SCD5: variants seen among roughly 807,000 people sequenced by gnomAD.
The protein encoded by SCD5 is acyl-CoA-desaturase 4.
Under a neutral mutation model 30.4 loss-of-function variants are expected in SCD5, and 20 were observed. The ratio of observed to expected loss-of-function variants is 0.66; its 90% CI spans 0.46 to 0.96. The LOEUF is 0.96. SCD5 is among the 40% of genes least tolerant of loss of function. The probability of loss-of-function intolerance (pLI) is 0.00; values close to 1 mark genes in which losing one functional copy is unlikely to be tolerated. For synonymous variants in SCD5, 173 were observed against 176.4 expected (o/e 0.98, Z 0.16); for missense variants, 381 against 443.3 (o/e 0.86, Z 1.26).
chr4:82,638,593 G>A (rs1727479528), intron 3 of SCD5, among the ~76,000 whole-genome samples: 2 of 152,140 alleles, frequency 1.3e-5, no homozygotes, highest in Admixed American at 1.3e-4. Flanking sequence ...ACACTTCCAG[G>A]TCTGCTTGGG....
intron 2 of SCD5, among the ~76,000 whole-genome samples, chr4:82,683,391 TAGAA>T (rs1216051199): frequency 2.0e-5 from 3 of 152,196 alleles, no homozygotes; most frequent in African/African-American, 4.8e-5. Context: ...GAACACGACA[TAGAA>T]AGAACACTCT....
At chr4:82,752,273 T>TTATATATA (rs139910934) in intron 1 of SCD5, among the ~76,000 whole-genome samples, 4,466 of 145,582 alleles carry the variant, frequency 0.031, 225 homozygotes, top group African/African-American at 0.099. Flanking sequence ...TTTTAAAAAA[T>TTATATATA]TATATATATA....
chr4:82,720,943 G>A (rs538349885), intron 1 of SCD5, among the ~76,000 whole-genome samples: 1 of 152,262 alleles, frequency 6.6e-6, no homozygotes, highest in Admixed American at 6.5e-5. Flanking sequence ...CTTGGGTCCA[G>A]GAGTTCTAGG....
At position 82,679,550 on chromosome 4, in the gene SCD5, T is replaced by A. The variant is rs183799644; in HGVS notation, c.569+1157A>T. 6.6e-5 allele frequency among the ~76,000 whole-genome samples: 10 copies of A among 152,344 alleles called. No individual in the cohort carries two copies. The East Asian group carries it at 1.7e-3, about 26-fold the overall frequency. ...TGTGCCAGGCATTTTCCATGCATTT[T>A]AAAAATATCTTCATAAAAGCTGTAG... is the stretch of plus-strand genomic sequence containing the variant. On this transcript the variant is annotated intron_variant, in intron 3 of 4. Coordinates refer to ENST00000319540, the MANE Select transcript of SCD5 (RefSeq NM_001037582.3).
At chr4:82,750,101 C>T (rs1721069090) in intron 1 of SCD5, among the ~76,000 whole-genome samples, 1 of 152,180 alleles carries the variant, frequency 6.6e-6, no homozygotes, top group Non-Finnish European at 1.5e-5. Flanking sequence ...GGGGATTACA[C>T]AAAATAGTCC....
intron 1 of SCD5, among the ~76,000 whole-genome samples, chr4:82,744,823 CA>C (rs1460805655): frequency 1.3e-5 from 2 of 151,420 alleles, no homozygotes; most frequent in African/African-American, 4.9e-5. Flanking sequence ...CACTAGATAC[CA>C]TCTTAGGAGA....
intron 3 of SCD5, among the ~76,000 whole-genome samples, chr4:82,664,935 C>A (rs1347520436): frequency 7.0e-6 from 1 of 143,032 alleles, no homozygotes; most frequent in Non-Finnish European, 1.5e-5. Context: ...AGTTCAAGAC[C>A]AGCCTGGGCA....
intron 1 of SCD5, among the ~76,000 whole-genome samples, chr4:82,737,539 G>A (rs867193506): frequency 3.9e-5 from 6 of 152,124 alleles, no homozygotes; most frequent in Non-Finnish European, 8.8e-5. Flanking sequence ...TCTGGTGGCT[G>A]CACACTGTAA....
intron 1 of SCD5, among the ~76,000 whole-genome samples, chr4:82,788,525 G>A (rs765015124): frequency 5.9e-5 from 9 of 152,126 alleles, no homozygotes; most frequent in Non-Finnish European, 1.3e-4. Context: ...CGAGTAACTG[G>A]GATTACAAGT....
At chr4:82,764,045 A>T (rs1721434094) in intron 1 of SCD5, among the ~76,000 whole-genome samples, 1 of 152,024 alleles carries the variant, frequency 6.6e-6, no homozygotes, top group South Asian at 2.1e-4. Flanking sequence ...GTTTAAAGAG[A>T]GTTTCTTTTG....
chr4:82,680,466 T>G (rs375603657), intron 3 of SCD5, among the ~76,000 whole-genome samples: 1 of 152,158 alleles, frequency 6.6e-6, no homozygotes, highest in Non-Finnish European at 1.5e-5. Context: ...TTGAAGATAA[T>G]GACACTGGGC....
intron 3 of SCD5, among the ~76,000 whole-genome samples, chr4:82,666,626 A>C (rs529541666): frequency 6.6e-5 from 10 of 152,380 alleles, no homozygotes; most frequent in Admixed American, 6.5e-5. Flanking sequence ...ATTAGTGAGA[A>C]TGGTATCTAC....
intron 4 of SCD5, among the ~76,000 whole-genome samples, chr4:82,632,557 T>A (rs1054060057): frequency 4.6e-5 from 7 of 152,332 alleles, no homozygotes; most frequent in Admixed American, 3.9e-4. Context: ...TACCCAGTAA[T>A]GGGATGGCTG....
At chr4:82,772,823 A>G (rs1721656396) in intron 1 of SCD5, among the ~76,000 whole-genome samples, 2 of 152,048 alleles carry the variant, frequency 1.3e-5, no homozygotes, top group Admixed American at 6.6e-5. Context: ...TGTTTCCTCC[A>G]TGACAGCAGA....
intron 1 of SCD5, among the ~76,000 whole-genome samples, chr4:82,715,029 G>C (rs1343377748): frequency 6.6e-6 from 1 of 151,506 alleles, no homozygotes; most frequent in Non-Finnish European, 1.5e-5. Context: ...TTGAGGTCAG[G>C]AGTTCGAGAC....
At chr4:82,764,721 C>A (rs1443497997) in intron 1 of SCD5, among the ~76,000 whole-genome samples, 1 of 141,042 alleles carries the variant, frequency 7.1e-6, no homozygotes, top group East Asian at 2.0e-4. Context: ...TAAATATTTT[C>A]TTTTCTTTCT....
chr4:82,647,017 G>A (rs1324468910), intron 3 of SCD5, among the ~76,000 whole-genome samples: 1 of 152,164 alleles, frequency 6.6e-6, no homozygotes, highest in Non-Finnish European at 1.5e-5. Flanking sequence ...TAGAGACAGA[G>A]TTTCAACATG....
In SCD5 at chr4:82,649,177, A is replaced by AGG. The variant is rs1331415931; in HGVS notation, c.570-12356_570-12355dup. Among the ~76,000 whole-genome samples, 8 of 102,376 alleles carry AGG rather than the reference A, an allele frequency of 7.8e-5. No individual in the cohort carries two copies. The East Asian group carries it at 1.2e-3, about 15-fold the overall frequency. The allele number at this position is 102,376 out of a possible 152,430, so 67.2% of individuals were successfully genotyped here. Reference sequence around the variant, plus strand: ...GATTCTCCAGCATAAATAGGGTGAGAGGGGTGTGTGTGTGTGTGTGTGTGT... The same window carrying AGG: ...GATTCTCCAGCATAAATAGGGTGAGAGGGGGGTGTGTGTGTGTGTGTGTGTGT... On this transcript the variant is annotated intron_variant, in intron 3 of 4. Transcript: ENST00000319540.
At chr4:82,743,085 G>C (rs1720911076) in intron 1 of SCD5, among the ~76,000 whole-genome samples, 1 of 152,166 alleles carries the variant, frequency 6.6e-6, no homozygotes, top group Non-Finnish European at 1.5e-5. Flanking sequence ...ATCCAGGCCT[G>C]AGATGAGAAA....
Sources: allele counts gnomAD v4.1 joint callset (sites outside exome capture counted in the v4.1 genomes callset), GRCh38; gene constraint gnomAD v4.1.1; transcripts MANE v1.5; gene names NCBI Gene and HGNC (gene_info 2026-07-23, HGNC 2026-07-21).